Variants in ESPN observed in about 807,000 individuals in gnomAD.
ESPN encodes espin.
A neutral mutation model predicts 77.7 loss-of-function variants in ESPN; 68 were observed. That is an observed-to-expected ratio of 0.87 (90% confidence interval 0.72 to 1.07). The LOEUF (loss-of-function observed/expected upper bound fraction) is 1.07, where lower values mean the gene tolerates loss of function less well. Among genes scored for constraint, ESPN ranks in the 50% least tolerant of loss-of-function variants. The probability of loss-of-function intolerance (pLI) is 0.00; values close to 1 mark genes in which losing one functional copy is unlikely to be tolerated. For missense variants in ESPN, 1,060 were observed against 1,239.0 expected (o/e 0.86, Z 2.17); for synonymous variants, 449 against 567.1 (o/e 0.79, Z 2.96).
At chr1:6,445,099 G>A (rs6667227) in intron 6 of ESPN, among the ~76,000 whole-genome samples, 20,153 of 151,482 alleles carry the variant, frequency 0.13, 1,388 homozygotes, top group South Asian at 0.16. Flanking sequence ...AGATATGCAC[G>A]CACACACACA....
downstream of ESPN, chr1:6,461,278 C>T: frequency 1.1e-6 from 1 of 940,596 alleles, no homozygotes; most frequent in Non-Finnish European, 1.7e-6. The surrounding 1 kb of genome is among the most constrained non-coding windows in gnomAD (Gnocchi z 6.3). Flanking sequence ...TTGGCTGGAG[C>T]GATAGGGGCG....
rs141387813 is a variant in ESPN, at chr1:6,452,904, A to ATTTTTTATT, written c.2325+814_2325+815insATTTTTTTT. Among the ~76,000 whole-genome samples the ATTTTTTATT allele has an allele frequency of 6.4e-4, 97 of 150,976 alleles. 1 individual carries two copies. The highest frequency in any genetic ancestry group is 2.2e-3 in the African/African-American group (90 of 40,666). ...CAAATGCCATTTATTTTTATTTTTT[A>ATTTTTTATT]TTTTTTGAGACAGGGTCTCACTCTG... On this transcript the variant is annotated intron_variant, in intron 10 of 12. Coordinates refer to ENST00000645284, the MANE Select transcript of ESPN (RefSeq NM_031475.3).
chr1:6,450,400 C>G lies in ESPN; in HGVS notation c.1916-1203C>G, dbSNP rs112667401. On this transcript the variant is annotated intron_variant, in intron 8 of 12. Coordinates refer to ENST00000645284, the MANE Select transcript of ESPN (RefSeq NM_031475.3). The surrounding 1 kb of genome is among the most constrained non-coding windows in gnomAD (Gnocchi z 4.3). ...CTGTCCCAGTCTCATCCTGCCCCCCCTCCCTCCTAACTCCGCTGTCACTTC... is the reference window on the plus strand; with the variant it reads ...CTGTCCCAGTCTCATCCTGCCCCCCGTCCCTCCTAACTCCGCTGTCACTTC... 3.6e-3 allele frequency: 3,282 copies of G among 918,564 alleles called. 19 individuals are homozygous for G. Among genetic ancestry groups the G allele is most frequent in the Middle Eastern group, 0.024 (44 of 1,804 alleles). The allele number at this position is 918,564 out of a possible 1,614,324, so 56.9% of individuals were successfully genotyped here. A position where few individuals can be genotyped will look rare whatever the true frequency, so the allele number is the denominator to read the frequency against.
chr1:6,436,342 C>G (rs1157797595), intron 2 of ESPN, among the ~76,000 whole-genome samples: 1 of 152,070 alleles, frequency 6.6e-6, no homozygotes, highest in African/African-American at 2.4e-5. Flanking sequence ...GTTACAAGGA[C>G]CAGCTGAGAG....
Position 6,447,824 on chromosome 1 carries a change from G to C in ESPN, c.1465-817G>C, listed in dbSNP as rs1328728628. On this transcript the variant is annotated intron_variant, in intron 7 of 12. Coordinates refer to ENST00000645284, the MANE Select transcript of ESPN (RefSeq NM_031475.3). The surrounding 1 kb of genome is among the most constrained non-coding windows in gnomAD (Gnocchi z 5.2). ...CTCTCGGGCGGGGATGAAGGTGGGGGCTCAGCTCCCAGCTTAGGGAGAGGC... is the reference window on the plus strand; with the variant it reads ...CTCTCGGGCGGGGATGAAGGTGGGGCCTCAGCTCCCAGCTTAGGGAGAGGC... Among the ~76,000 whole-genome samples, 2 of 152,180 alleles carry C rather than the reference G, an allele frequency of 1.3e-5. No homozygotes were observed. Among genetic ancestry groups the C allele is most frequent in the African/African-American group, 4.8e-5 (2 of 41,446 alleles).
rs1471586902 is a variant in ESPN at position 6,460,331 on chromosome 1, C to T, written c.*185C>T. On this transcript the variant is annotated 3_prime_UTR_variant, in exon 13 of 13. Transcript: ENST00000645284. ...CCTTGGCAACACTGGAGTGCACACG[C>T]CGCCACGGTTGCCCAGAAAAAGTGC... 1 of 711,494 alleles carries T rather than the reference C, an allele frequency of 1.4e-6. No homozygotes were observed. Among genetic ancestry groups the T allele is most frequent in the African/African-American group, 1.8e-5 (1 of 55,878 alleles). The allele number at this position is 711,494 out of a possible 1,614,324, so 44.1% of individuals were successfully genotyped here. A position where few individuals can be genotyped will look rare whatever the true frequency, so the allele number is the denominator to read the frequency against.
At chr1:6,455,025 C>T (rs1644025183) in intron 10 of ESPN, 5 of 377,898 alleles carry the variant, frequency 1.3e-5, no homozygotes. Context: ...GCGCCGCAAG[C>T]CCCCGCAGTC....
chr1:6,457,175 G>T lies in ESPN; in HGVS notation c.2326-9G>T. The T allele has an allele frequency of 6.3e-7, 1 of 1,590,398 alleles. No homozygotes were observed. The highest frequency in any genetic ancestry group is 1.1e-5 in the South Asian group (1 of 88,502). On this transcript the variant is annotated splice_polypyrimidine_tract_variant and intron_variant, in intron 10 of 12. Transcript: ENST00000645284. ...CTGCAGGCCCTGAAGCTTTGTGGTTGTGTTTCAGGAGGAGGAGGAGGAGGC... is the reference window on the plus strand; with the variant it reads ...CTGCAGGCCCTGAAGCTTTGTGGTTTTGTTTCAGGAGGAGGAGGAGGAGGC...
rs763964452 is a variant in ESPN, at chr1:6,440,431, C to T, written c.666C>T (p.Ile222=). 2 of 1,566,884 alleles carry T rather than the reference C, an allele frequency of 1.3e-6. No homozygotes were observed. Among genetic ancestry groups the T allele is most frequent in the South Asian group, 1.2e-5 (1 of 86,682 alleles). Residue 222 remains isoleucine, a synonymous_variant, in exon 3 of 13, where the codon ATC becomes ATT. Coordinates refer to ENST00000645284, the MANE Select transcript of ESPN (RefSeq NM_031475.3). ...CGCAGATGGGCCACAGCCCAGTCAT[C>T]GTGTGGTTGGTGAGCTCCGGGCCCG... ...AAAQMGHSPV[I]VWLVSCTDVS...
At position 6,457,191 on chromosome 1, in the gene ESPN, A is replaced by T; in HGVS notation, c.2333A>T (p.Glu778Val). 1 of 1,602,102 alleles carries T rather than the reference A, an allele frequency of 6.2e-7. No individual in the cohort carries two copies. Among genetic ancestry groups the T allele is most frequent in the South Asian group, 1.1e-5 (1 of 89,756 alleles). Residue 778 changes from glutamate (E) to valine (V), a missense_variant, in exon 11 of 13, where the codon GAG (glutamate) becomes GTG (valine). By Grantham distance (121) the Glu-to-Val change is moderately radical. Transcript: ENST00000645284. ...EEEEQRRKEE[E>V]EEARLASMPA... ...TTTGTGGTTGTGTTTCAGGAGGAGG[A>T]GGAGGAGGCCCGGCTGGCCAGCATG...
rs1401859516 is a variant in ESPN at position 6,444,469 on chromosome 1, C to T, written c.991-12C>T. 1 of 1,613,906 alleles carries T rather than the reference C, an allele frequency of 6.2e-7. No individual in the cohort carries two copies. Among genetic ancestry groups the T allele is most frequent in the Non-Finnish European group, 8.5e-7 (1 of 1,179,918 alleles). On this transcript the variant is annotated splice_polypyrimidine_tract_variant and intron_variant, in intron 5 of 12. Coordinates refer to ENST00000645284, the MANE Select transcript of ESPN (RefSeq NM_031475.3). ...TATGGTTGTCTTCATGGCCTCCCTG[C>T]CTCCCCTTCAGAGCGTGGAGCACCG... is the stretch of plus-strand genomic sequence containing the variant.
chr1:6,454,824 A>G lies in ESPN; in HGVS notation c.2326-2360A>G, dbSNP rs955075369. 4.2e-4 allele frequency: 167 copies of G among 396,564 alleles called. 1 individual carries two copies. Among genetic ancestry groups the G allele is most frequent in the African/African-American group, 3.2e-3 (155 of 48,578 alleles). The allele number at this position is 396,564 out of a possible 1,614,324, so 24.6% of individuals were successfully genotyped here. On this transcript the variant is annotated intron_variant, in intron 10 of 12. Coordinates refer to ENST00000645284, the MANE Select transcript of ESPN (RefSeq NM_031475.3). ...CCTGGCGGAGCTGCTGACCGCTGACACGGGCCAGCCGCTGGCGCCGCTGCC... is the reference window on the plus strand; with the variant it reads ...CCTGGCGGAGCTGCTGACCGCTGACGCGGGCCAGCCGCTGGCGCCGCTGCC...
Position 6,428,411 on chromosome 1 carries a change from C to T in ESPN, c.480C>T (p.His160=), listed in dbSNP as rs761424562. The T allele has an allele frequency of 6.2e-7, 1 of 1,611,234 alleles. No homozygotes were observed. Among genetic ancestry groups the T allele is most frequent in the Non-Finnish European group, 8.5e-7 (1 of 1,178,436 alleles). Residue 160 remains histidine (H), a synonymous_variant, in exon 2 of 13, where the codon CAC becomes CAT. Coordinates refer to ENST00000645284, the MANE Select transcript of ESPN (RefSeq NM_031475.3). The surrounding 1 kb of genome is among the most constrained non-coding windows in gnomAD (Gnocchi z 5.4). ...CCTCCCTGAGGCTTCTCGTCGAGCA[C>T]TACCCTGAGTAAGATCACCCCTCTT... ...DFPSLRLLVE[H]YPEGVNAQTK...
chr1:6,451,941 C>T lies in ESPN; in HGVS notation c.2170C>T (p.Pro724Ser). Residue 724 changes from proline to serine, a missense_variant, in exon 10 of 13, where the codon CCG becomes TCG. This residue lies in a region of ESPN where 374 missense variants were observed against 381.4 expected (regional missense o/e 0.98). Transcript: ENST00000645284. This position sits in a 1 kb window ranked among gnomAD's most constrained non-coding sequence, Gnocchi z 4.3. ...GCTCAATGGAAGCTTGGTTCCCGTGCCGCCCACTACTCCTGCGCCGGGAGT... is the reference window on the plus strand; with the variant it reads ...GCTCAATGGAAGCTTGGTTCCCGTGTCGCCCACTACTCCTGCGCCGGGAGT... ...PLLNGSLVPVPPTTPAPGVQL... is the reference protein window; with the variant it reads ...PLLNGSLVPVSPTTPAPGVQL... The T allele has an allele frequency of 6.2e-7, 1 of 1,610,622 alleles. No homozygotes were observed. Among genetic ancestry groups the T allele is most frequent in the East Asian group, 2.2e-5 (1 of 44,776 alleles).
chr1:6,432,020 T>C (rs1265294371), intron 2 of ESPN, among the ~76,000 whole-genome samples: 1 of 152,172 alleles, frequency 6.6e-6, no homozygotes, highest in Non-Finnish European at 1.5e-5. Context: ...TCTCTGGGTC[T>C]CTCTCCCACT....
intron 10 of ESPN, among the ~76,000 whole-genome samples, chr1:6,453,947 C>T (rs1475273111): frequency 6.6e-6 from 1 of 152,164 alleles, no homozygotes; most frequent in East Asian, 1.9e-4. Flanking sequence ...GGAGTGGCCT[C>T]TGATTCTGCA....
rs1643099503 is a variant in ESPN at position 6,427,946 on chromosome 1, G to A, written c.295-280G>A. On this transcript the variant is annotated intron_variant, in intron 1 of 12. Coordinates refer to ENST00000645284, the MANE Select transcript of ESPN (RefSeq NM_031475.3). This position sits in a 1 kb window ranked among gnomAD's most constrained non-coding sequence, Gnocchi z 4.6. Reference sequence around the variant, plus strand: ...CAACCAGGTGCCTGTCGTGTAGGCAGCTCGCAGTCAGGACCTGCAGCCTCT... The same window carrying A: ...CAACCAGGTGCCTGTCGTGTAGGCAACTCGCAGTCAGGACCTGCAGCCTCT... Among the ~76,000 whole-genome samples the A allele has an allele frequency of 6.6e-6, 1 of 151,798 alleles. No individual in the cohort carries two copies. The highest frequency in any genetic ancestry group is 1.5e-5 in the Non-Finnish European group (1 of 67,888).
rs758749850 is a variant in ESPN, at chr1:6,440,460, G to A, written c.675+20G>A. Reference sequence around the variant, plus strand: ...TGGTTGGTGAGCTCCGGGCCCGGGCGGGGAGCAGGGGAGGCGGGGCGGAGC... The same window carrying A: ...TGGTTGGTGAGCTCCGGGCCCGGGCAGGGAGCAGGGGAGGCGGGGCGGAGC... On this transcript the variant is annotated intron_variant, in intron 3 of 12. Transcript: ENST00000645284. 14 of 1,523,328 alleles carry A rather than the reference G, an allele frequency of 9.2e-6. No homozygotes were observed. Among genetic ancestry groups the A allele is most frequent in the South Asian group, 4.8e-5 (4 of 83,238 alleles). The allele number at this position is 1,523,328 out of a possible 1,614,324, so 94.4% of individuals were successfully genotyped here. A position where few individuals can be genotyped will look rare whatever the true frequency, so the allele number is the denominator to read the frequency against.
Position 6,460,237 on chromosome 1 carries a change from C to A in ESPN, c.*91C>A. On this transcript the variant is annotated 3_prime_UTR_variant, in exon 13 of 13. Coordinates refer to ENST00000645284, the MANE Select transcript of ESPN (RefSeq NM_031475.3). Reference sequence around the variant, plus strand: ...CAGGCCCTGGTGGAAAGGCTGGGAGCCGCACAGCCCTCCCCTCCTGCGCTG... The same window carrying A: ...CAGGCCCTGGTGGAAAGGCTGGGAGACGCACAGCCCTCCCCTCCTGCGCTG... 6.7e-7 allele frequency: 1 copy of A among 1,490,404 alleles called. No individual in the cohort carries two copies. The highest frequency in any genetic ancestry group is 9.1e-7 in the Non-Finnish European group (1 of 1,094,460). The allele number at this position is 1,490,404 out of a possible 1,614,324, so 92.3% of individuals were successfully genotyped here.
Sources: allele counts gnomAD v4.1 joint callset (sites outside exome capture counted in the v4.1 genomes callset), GRCh38; gene constraint gnomAD v4.1.1; regional missense constraint gnomAD v4.1.1; non-coding constraint Gnocchi (gnomAD v3.1); transcripts MANE v1.5; gene names NCBI Gene and HGNC (gene_info 2026-07-23, HGNC 2026-07-21).